CALR3: variants seen among roughly 807,000 people sequenced by gnomAD.
CALR3 encodes calreticulin 3.
A neutral mutation model predicts 48.7 loss-of-function variants in CALR3; 39 were observed. The ratio of observed to expected loss-of-function variants is 0.80; its 90% CI spans 0.62 to 1.05. The LOEUF is 1.05. CALR3 is among the 50% of genes least tolerant of loss of function. The pLI, the probability that CALR3 is intolerant of heterozygous loss-of-function variation, is 0.00. For missense variants in CALR3, 449 were observed against 474.7 expected (o/e 0.95, Z 0.50); for synonymous variants, 185 against 172.7 (o/e 1.07, Z -0.56).
intron 7 of CALR3, among the ~76,000 whole-genome samples, chr19:16,481,520 G>A (rs1427520753): frequency 4.1e-5 from 6 of 147,074 alleles, no homozygotes; most frequent in South Asian, 2.2e-4. Flanking sequence ...ACTCTGTTGC[G>A]GAGGCTGGAG....
intron 2 of CALR3, among the ~76,000 whole-genome samples, chr19:16,491,308 G>A (rs182653304): frequency 0.02 from 3,077 of 150,426 alleles, 101 homozygotes; most frequent in Admixed American, 0.081. Context: ...ATTTTTAGTA[G>A]AGACAGGGTT....
chr19:16,495,416 G>A (rs1453020192), intron 2 of CALR3, among the ~76,000 whole-genome samples: 3 of 151,480 alleles, frequency 2.0e-5, no homozygotes, highest in Admixed American at 6.6e-5. Context: ...AAAATTAGCC[G>A]GTCATGGTGG....
intron 5 of CALR3, 98 bp from the exon 6 acceptor site, chr19:16,482,883 CA>C (rs1451070185): frequency 8.5e-7 from 1 of 1,179,224 alleles, no homozygotes; most frequent in Non-Finnish European, 1.2e-6. Context: ...GTTTTGCTCT[CA>C]CCCAGGCTGG....
chr19:16,492,992 T>C (rs1040675934), intron 2 of CALR3, among the ~76,000 whole-genome samples: 1 of 152,104 alleles, frequency 6.6e-6, no homozygotes, highest in African/African-American at 2.4e-5. Context: ...GATCACGCCA[T>C]TGCACTCCAG....
intron 3 of CALR3, among the ~76,000 whole-genome samples, chr19:16,486,426 CCTGA>C (rs2093389178): frequency 6.6e-6 from 1 of 151,740 alleles, no homozygotes; most frequent in Non-Finnish European, 1.5e-5. Flanking sequence ...TCGAGACCAG[CCTGA>C]CTAACATGGT....
At chr19:16,480,562 AT>A (rs2093379051) in intron 8 of CALR3, 51 bp downstream of exon 8, 11 of 1,352,360 alleles carry the variant, frequency 8.1e-6, no homozygotes, top group Middle Eastern at 1.8e-4. Flanking sequence ...AAAAAAAAAA[AT>A]TTACACAAAT....
chr19:16,483,810 G>A (rs2093384564), intron 5 of CALR3, 120 bp downstream of exon 5: 5 of 919,250 alleles, frequency 5.4e-6, no homozygotes, highest in Non-Finnish European at 5.2e-6. Flanking sequence ...GCTCTGGGGA[G>A]GGCATTTGGT....
intron 2 of CALR3, among the ~76,000 whole-genome samples, chr19:16,494,607 G>C (rs748183851): frequency 1.3e-5 from 2 of 148,738 alleles, no homozygotes; most frequent in Non-Finnish European, 3.0e-5. Context: ...TGATCCGCTC[G>C]CCTAAGGCCT....
At position 16,493,726 on chromosome 19, in the gene CALR3, A is replaced by G. The variant is rs1440194035; in HGVS notation, c.193+2025T>C. Among the ~76,000 whole-genome samples, 5 of 140,630 alleles carry G rather than the reference A, an allele frequency of 3.6e-5. No individual in the cohort carries two copies. In the East Asian group the frequency reaches 6.4e-4, roughly 18 times the overall value. The allele number at this position is 140,630 out of a possible 152,430, so 92.3% of individuals were successfully genotyped here. Reference sequence around the variant, plus strand: ...CACCATGCTCGGCTAATATTTGTATATATATATATTTTTTTTCTTGAGACA... The same window carrying G: ...CACCATGCTCGGCTAATATTTGTATGTATATATATTTTTTTTCTTGAGACA... On this transcript the variant is annotated intron_variant, in intron 2 of 8. Transcript: ENST00000269881.
intron 2 of CALR3, 131 bp from the exon 3 acceptor site, chr19:16,490,701 A>G (rs2093396567): frequency 2.4e-6 from 2 of 817,260 alleles, no homozygotes; most frequent in East Asian, 5.1e-5. Flanking sequence ...TACAGTGCCA[A>G]CAGAGCATTA....
rs1235479671 is a variant in CALR3, at chr19:16,484,012, TCGTACTCTATGC to T, written c.584_595del (p.Ser195_Asp199delinsAsn). ...CTTCTTGAGTGATGTTAAGTTCCAGTCGTACTCTATGCTGCCGGATTCAATTGACTGACCATC... is the reference window on the plus strand; with the variant it reads ...CTTCTTGAGTGATGTTAAGTTCCAGTTGCCGGATTCAATTGACTGACCATC... On this transcript the variant is annotated inframe_deletion, in exon 5 of 9. Coordinates refer to ENST00000269881, the MANE Select transcript of CALR3 (RefSeq NM_145046.5). 6.2e-7 allele frequency: 1 copy of T among 1,614,098 alleles called. No homozygotes were observed. Among genetic ancestry groups the T allele is most frequent in the African/African-American group, 1.3e-5 (1 of 75,028 alleles).
intron 3 of CALR3, among the ~76,000 whole-genome samples, chr19:16,488,587 T>C (rs185720673): frequency 6.6e-4 from 100 of 152,176 alleles, no homozygotes; most frequent in Middle Eastern, 3.4e-3. Context: ...TTTGTATTTT[T>C]AGTAGAGATA....
At chr19:16,483,194 C>G (rs192876119) in intron 5 of CALR3, among the ~76,000 whole-genome samples, 4 of 152,282 alleles carry the variant, frequency 2.6e-5, no homozygotes, top group Admixed American at 2.6e-4. Flanking sequence ...GTGGCAGGCA[C>G]AGGCTGGTGA....
rs1159720687 is a variant in CALR3 at position 16,482,669 on chromosome 19, G to T, written c.786+9C>A. ...GGCATCCCTGGCATCATACAAAGAG[G>T]CCACACACCTGGTACGGGGGCTTCT... On this transcript the variant is annotated intron_variant, in intron 6 of 8. Transcript: ENST00000269881. The T allele has an allele frequency of 5.0e-6, 8 of 1,614,010 alleles. No homozygotes were observed. Among genetic ancestry groups the T allele is most frequent in the Non-Finnish European group, 5.9e-6 (7 of 1,180,026 alleles).
At chr19:16,494,771 G>C (rs576782751) in intron 2 of CALR3, among the ~76,000 whole-genome samples, 2 of 152,186 alleles carry the variant, frequency 1.3e-5, no homozygotes, top group Non-Finnish European at 2.9e-5. Flanking sequence ...TGTCTATTAA[G>C]AGGGGCAATT....
chr19:16,479,382 G>C, intron 8 of CALR3, 108 bp from the exon 9 acceptor site: 1 of 1,242,698 alleles, frequency 8.0e-7, no homozygotes, highest in South Asian at 1.2e-5. Flanking sequence ...TCAGGAGATC[G>C]AGACCATCCC....
chr19:16,496,019 C>A lies in CALR3; in HGVS notation c.91+20G>T. 6.3e-7 allele frequency: 1 copy of A among 1,580,524 alleles called. No individual in the cohort carries two copies. Among genetic ancestry groups the A allele is most frequent in the Non-Finnish European group, 8.6e-7 (1 of 1,162,326 alleles). Reference sequence around the variant, plus strand: ...ATGGGGGAGCTTACACCTCCGCCACCACGGGCGTGGCCCCTTCACCTCCGT... The same window carrying A: ...ATGGGGGAGCTTACACCTCCGCCACAACGGGCGTGGCCCCTTCACCTCCGT... On this transcript the variant is annotated intron_variant, in intron 1 of 8. Coordinates refer to ENST00000269881, the MANE Select transcript of CALR3 (RefSeq NM_145046.5).
intron 2 of CALR3, among the ~76,000 whole-genome samples, chr19:16,493,031 C>G (rs933660987): frequency 6.6e-6 from 1 of 152,134 alleles, no homozygotes; most frequent in African/African-American, 2.4e-5. Context: ...AACTCTCTCT[C>G]AAATAAATAC....
At chr19:16,480,801 C>T (rs2093379574) in intron 7 of CALR3, 95 bp from the exon 8 acceptor site, 1 of 973,160 alleles carries the variant, frequency 1.0e-6, no homozygotes. Flanking sequence ...ACATGAAGCT[C>T]AGGTGACATT....
Sources: gnomAD v4.1 joint callset for allele counts (sites outside exome capture counted in the v4.1 genomes callset) on GRCh38, gnomAD v4.1.1 for gene constraint, MANE v1.5 for transcripts, NCBI Gene and HGNC (gene_info 2026-07-23, HGNC 2026-07-21) for gene names.